GMDS: variants seen among roughly 807,000 people sequenced by gnomAD.
GMDS encodes GDP-mannose 4,6-dehydratase.
A neutral mutation model predicts 49.9 loss-of-function variants in GMDS; 20 were observed. The observed-to-expected ratio is 0.40, with a 90% CI of 0.28 to 0.58. GMDS has a LOEUF of 0.58. GMDS is among the 20% of genes least tolerant of loss of function. The probability of loss-of-function intolerance (pLI) is 0.42; values close to 1 mark genes in which losing one functional copy is unlikely to be tolerated. For synonymous variants in GMDS, 177 were observed against 178.6 expected (o/e 0.99, Z 0.07); for missense variants, 362 against 481.4 (o/e 0.75, Z 2.32).
chr6:1,707,931 T>C (rs1207049502), intron 9 of GMDS, among the ~76,000 whole-genome samples: 1 of 151,954 alleles, frequency 6.6e-6, no homozygotes, highest in Non-Finnish European at 1.5e-5. Context: ...GAGAAAAAGG[T>C]TTTCAAGTAC....
chr6:2,242,626 T>C (rs1487677866), intron 1 of GMDS, among the ~76,000 whole-genome samples: 1 of 152,218 alleles, frequency 6.6e-6, no homozygotes, highest in Non-Finnish European at 1.5e-5. Context: ...AGTAAGACTA[T>C]TTATTTCTCT....
intron 1 of GMDS, among the ~76,000 whole-genome samples, chr6:2,236,862 A>AAT (rs1781383579): frequency 6.6e-6 from 1 of 152,168 alleles, no homozygotes; most frequent in Non-Finnish European, 1.5e-5. Context: ...GCTCAAGCAT[A>AAT]ATATATATAT....
At chr6:1,675,486 G>A (rs1226754322) in intron 9 of GMDS, among the ~76,000 whole-genome samples, 1 of 152,132 alleles carries the variant, frequency 6.6e-6, no homozygotes, top group East Asian at 1.9e-4. Context: ...ACTGAATCAT[G>A]GTGGTGGAAG....
Position 2,102,004 on chromosome 6 carries a change from T to C in GMDS, c.345+13767A>G, listed in dbSNP as rs115085041. Among the ~76,000 whole-genome samples, 557 of 152,258 alleles carry C rather than the reference T, an allele frequency of 3.7e-3. 2 individuals are homozygous for C. The highest frequency in any genetic ancestry group is 0.013 in the African/African-American group (542 of 41,568). On this transcript the variant is annotated intron_variant, in intron 4 of 10. Coordinates refer to ENST00000380815, the MANE Select transcript of GMDS (RefSeq NM_001500.4). ...AACAGGAATGCTACTTAATTAACCA[T>C]GTGAAAGTTAAAGTAAGTAAGAAAG...
chr6:2,125,032 T>G (rs1305836036), intron 1 of GMDS, among the ~76,000 whole-genome samples: 1 of 152,184 alleles, frequency 6.6e-6, no homozygotes, highest in Non-Finnish European at 1.5e-5. Context: ...GATTTGGGTT[T>G]AGGTTTTGCC....
rs200556422 is a variant in GMDS at position 2,245,409 on chromosome 6, G to A, written c.14C>T (p.Pro5Leu). ...GCCCCGGGCGCTGGGGCAGCGTGCCGGTGCGTGTGCCATGTCCCGCGGCGG... is the reference window on the plus strand; with the variant it reads ...GCCCCGGGCGCTGGGGCAGCGTGCCAGTGCGTGTGCCATGTCCCGCGGCGG... MAHA[P>L]ARCPSARGSG... Residue 5 changes from proline (P) to leucine (L), a missense_variant, in exon 1 of 11, where the codon CCG (proline) becomes CTG (leucine). Pro to Leu is a moderately conservative substitution (Grantham distance 98). Transcript: ENST00000380815. The A allele has an allele frequency of 2.6e-5, 39 of 1,526,660 alleles. No individual in the cohort carries two copies. The highest frequency in any genetic ancestry group is 4.2e-5 in the African/African-American group (3 of 71,062). 94.6% of individuals were successfully genotyped at this position (1,526,660 alleles called of 1,614,324 possible).
At chr6:2,030,734 A>AGGCC (rs1401627786) in intron 4 of GMDS, among the ~76,000 whole-genome samples, 4 of 152,172 alleles carry the variant, frequency 2.6e-5, no homozygotes, top group Non-Finnish European at 5.9e-5. Flanking sequence ...GCTCCAAACA[A>AGGCC]GGCCGTGTGC....
Position 1,860,031 on chromosome 6 carries a change from A to G in GMDS, c.771+70072T>C, listed in dbSNP as rs1009875792. Among the ~76,000 whole-genome samples, 6 of 152,218 alleles carry G rather than the reference A, an allele frequency of 3.9e-5. 1 individual carries two copies. The highest frequency in any genetic ancestry group is 8.8e-5 in the Non-Finnish European group (6 of 68,030). On this transcript the variant is annotated intron_variant, in intron 7 of 10. Transcript: ENST00000380815. ...CAGTCCTGAGCCCCACTGGCCTTCT[A>G]GACTTCATATTGTAGTGAATAAGAT...
chr6:2,149,580 G>A (rs1047113361), intron 1 of GMDS, among the ~76,000 whole-genome samples: 2 of 152,208 alleles, frequency 1.3e-5, no homozygotes, highest in South Asian at 4.1e-4. Flanking sequence ...CAGTAATGGA[G>A]CTGACAATAT....
At chr6:2,101,487 C>G (rs543447593) in intron 4 of GMDS, among the ~76,000 whole-genome samples, 21 of 152,072 alleles carry the variant, frequency 1.4e-4, no homozygotes, top group African/African-American at 4.6e-4. Context: ...CAAGAATCAT[C>G]ATCATGTAAG....
intron 7 of GMDS, among the ~76,000 whole-genome samples, chr6:1,925,943 G>C (rs1306301778): frequency 6.6e-6 from 1 of 152,176 alleles, no homozygotes; most frequent in Non-Finnish European, 1.5e-5. Flanking sequence ...GATATTGAGA[G>C]AATGTCGAGA....
chr6:1,748,146 TG>T (rs1767587466), intron 7 of GMDS, among the ~76,000 whole-genome samples: 1 of 152,194 alleles, frequency 6.6e-6, no homozygotes, highest in Non-Finnish European at 1.5e-5. Flanking sequence ...AACTCCAGGT[TG>T]GGGTTAATGT....
chr6:1,929,767 C>G (rs1317469019), intron 7 of GMDS, among the ~76,000 whole-genome samples: 1 of 152,262 alleles, frequency 6.6e-6, no homozygotes, highest in East Asian at 1.9e-4. Context: ...TCTAGAAGAT[C>G]TGAGAACTAG....
intron 4 of GMDS, among the ~76,000 whole-genome samples, chr6:2,097,371 G>A (rs746678750): frequency 9.9e-5 from 15 of 152,100 alleles, no homozygotes; most frequent in East Asian, 5.8e-4. Context: ...ATGGTGGTGC[G>A]GGGGTGGCTA....
chr6:2,162,705 CACACAA>C (rs942047673), intron 1 of GMDS, among the ~76,000 whole-genome samples: 5 of 142,074 alleles, frequency 3.5e-5, no homozygotes, highest in African/African-American at 5.6e-5. Flanking sequence ...CACACACACA[CACACAA>C]AACTTTCCTG....
At chr6:1,984,868 G>A (rs1268644443) in intron 4 of GMDS, among the ~76,000 whole-genome samples, 1 of 152,142 alleles carries the variant, frequency 6.6e-6, no homozygotes, top group Admixed American at 6.5e-5. Flanking sequence ...AGGCATGACT[G>A]GGTAGGAATG....
intron 7 of GMDS, among the ~76,000 whole-genome samples, chr6:1,813,874 T>G (rs1292761102): frequency 6.6e-6 from 1 of 152,228 alleles, no homozygotes; most frequent in Non-Finnish European, 1.5e-5. Context: ...AGAGAATAGA[T>G]TCCATGCATT....
In GMDS at chr6:1,878,418, G is replaced by A. The variant is rs1414645282; in HGVS notation, c.771+51685C>T. On this transcript the variant is annotated intron_variant, in intron 7 of 10. Coordinates refer to ENST00000380815, the MANE Select transcript of GMDS (RefSeq NM_001500.4). ...TTTTACAACTATGGGTCTTCCAAAA[G>A]ATTCTAGGAGATGTTAGCCCTCAGA... is the stretch of plus-strand genomic sequence containing the variant. Among the ~76,000 whole-genome samples, 3 of 148,684 alleles carry A rather than the reference G, an allele frequency of 2.0e-5. No homozygotes were observed. In the East Asian group the frequency reaches 6.1e-4, roughly 30 times the overall value.
At chr6:1,643,871 TA>T (rs369051509) in intron 9 of GMDS, among the ~76,000 whole-genome samples, 11 of 150,778 alleles carry the variant, frequency 7.3e-5, no homozygotes, top group East Asian at 1.9e-4. Flanking sequence ...CCCTCCCCTC[TA>T]AAAAAAAAGT....
Sources: allele counts gnomAD v4.1 joint callset (sites outside exome capture counted in the v4.1 genomes callset), GRCh38; gene constraint gnomAD v4.1.1; transcripts MANE v1.5; gene names NCBI Gene and HGNC (gene_info 2026-07-23, HGNC 2026-07-21).